TP63: variants seen among roughly 807,000 people sequenced by gnomAD.
The protein encoded by TP63 is tumor protein 63.
TP63 carries 17 observed loss-of-function variants against 82.8 expected under a neutral mutation model. The ratio of observed to expected loss-of-function variants is 0.21; its 90% CI spans 0.14 to 0.31. TP63 has a LOEUF of 0.31. Among genes scored for constraint, TP63 ranks in the 10% least tolerant of loss-of-function variants. The pLI is 1.00. For missense variants in TP63, 648 were observed against 895.3 expected (o/e 0.72, Z 3.52); for synonymous variants, 330 against 321.7 (o/e 1.03, Z -0.28).
upstream of TP63, among the ~76,000 whole-genome samples, chr3:189,626,602 A>G (rs973956680): frequency 6.6e-6 from 1 of 152,190 alleles, no homozygotes; most frequent in Non-Finnish European, 1.5e-5. Flanking sequence ...CTTGGTTAAC[A>G]GAACCTTTAT....
chr3:189,755,068 C>T (rs1260881432), intron 3 of TP63, among the ~76,000 whole-genome samples: 1 of 152,058 alleles, frequency 6.6e-6, no homozygotes. Flanking sequence ...TTAGGTGCGA[C>T]CTTTACAATC....
intron 3 of TP63, among the ~76,000 whole-genome samples, chr3:189,798,975 C>T (rs114014299): frequency 5.3e-4 from 81 of 152,086 alleles, no homozygotes; most frequent in African/African-American, 1.9e-3. Flanking sequence ...TCAAATATAA[C>T]TTAAAAAGTA....
chr3:189,798,268 T>C (rs1725929081), intron 3 of TP63, among the ~76,000 whole-genome samples: 1 of 152,126 alleles, frequency 6.6e-6, no homozygotes, highest in Non-Finnish European at 1.5e-5. Context: ...GCCTCTTCTA[T>C]CTATATGTTC....
chr3:189,779,334 C>T (rs1724052782), intron 3 of TP63, among the ~76,000 whole-genome samples: 1 of 152,170 alleles, frequency 6.6e-6, no homozygotes, highest in Non-Finnish European at 1.5e-5. Flanking sequence ...GAAGATCTGG[C>T]TTAACCACCC....
At chr3:189,681,705 T>A (rs1715918549) in intron 1 of TP63, among the ~76,000 whole-genome samples, 1 of 152,122 alleles carries the variant, frequency 6.6e-6, no homozygotes, top group Admixed American at 6.6e-5. Flanking sequence ...TTTTCTACTC[T>A]CTCGCTGACT....
chr3:189,738,556 C>G, intron 2 of TP63, 86 bp from the exon 3 acceptor site: 1 of 1,598,428 alleles, frequency 6.3e-7, no homozygotes, highest in Non-Finnish European at 8.6e-7. Context: ...GACTTTGAAG[C>G]AGAAAATGCT....
rs188805546 is a variant in TP63, at chr3:189,700,904, T to G, written c.63-36836T>G. Among the ~76,000 whole-genome samples the G allele has an allele frequency of 1.8e-4, 28 of 152,228 alleles. No individual in the cohort carries two copies. The East Asian group carries it at 4.8e-3, about 26-fold the overall frequency. ...AGCTAGGAACATAAAAAGGTATGGA[T>G]CATATTAATATCACCCAAATCTCTT... On this transcript the variant is annotated intron_variant, in intron 1 of 13. Transcript: ENST00000264731.
intron 1 of TP63, among the ~76,000 whole-genome samples, chr3:189,720,648 C>T (rs932256433): frequency 2.7e-5 from 4 of 150,090 alleles, no homozygotes; most frequent in African/African-American, 9.8e-5. Context: ...GCAGGATAAT[C>T]ACTTGAACCC....
chr3:189,743,438 C>G (rs1274166537), intron 3 of TP63, among the ~76,000 whole-genome samples: 5 of 152,158 alleles, frequency 3.3e-5, no homozygotes, highest in African/African-American at 1.2e-4. Flanking sequence ...TCCCTTTGGC[C>G]TGTAAGTTCC....
At chr3:189,851,768 T>C (rs1386597335) in intron 4 of TP63, among the ~76,000 whole-genome samples, 5 of 152,026 alleles carry the variant, frequency 3.3e-5, no homozygotes, top group African/African-American at 7.2e-5. Flanking sequence ...GCAGGCAGAC[T>C]TAAGATATGC....
At chr3:189,838,768 A>G (rs964429133) in intron 4 of TP63, among the ~76,000 whole-genome samples, 63 of 152,222 alleles carry the variant, frequency 4.1e-4, no homozygotes, top group African/African-American at 1.4e-3. Flanking sequence ...ATCTGATCTA[A>G]TTGATTAAGT....
At chr3:189,803,530 T>G (rs17506395) in intron 3 of TP63, among the ~76,000 whole-genome samples, 28,886 of 152,202 alleles carry the variant, frequency 0.19, 3,270 homozygotes, top group Non-Finnish European at 0.27. Flanking sequence ...TTTTGTTTCT[T>G]CATGGTGAAA....
intron 1 of TP63, among the ~76,000 whole-genome samples, chr3:189,654,986 A>G (rs1241957052): frequency 1.3e-5 from 2 of 152,176 alleles, no homozygotes; most frequent in East Asian, 1.9e-4. Flanking sequence ...CTTGAACTAT[A>G]TAGGACTCTG....
intron 1 of TP63, among the ~76,000 whole-genome samples, chr3:189,635,134 G>A (rs1288688806): frequency 6.6e-6 from 1 of 151,986 alleles, no homozygotes; most frequent in Admixed American, 6.6e-5. Flanking sequence ...AAAATATTTT[G>A]TATTGTTTCT....
chr3:189,640,195 T>TA (rs919312388), intron 1 of TP63, among the ~76,000 whole-genome samples: 2 of 152,004 alleles, frequency 1.3e-5, no homozygotes, highest in African/African-American at 4.8e-5. Context: ...ACTGCCTCTA[T>TA]AAAAAAAATT....
chr3:189,854,056 C>T (rs1280879631), intron 4 of TP63, among the ~76,000 whole-genome samples: 1 of 152,196 alleles, frequency 6.6e-6, no homozygotes, highest in Non-Finnish European at 1.5e-5. Context: ...TAAAGTCTTA[C>T]TTCTATCTGT....
chr3:189,658,981 G>A (rs1488166628), intron 1 of TP63, among the ~76,000 whole-genome samples: 1 of 151,794 alleles, frequency 6.6e-6, no homozygotes, highest in African/African-American at 2.4e-5. Flanking sequence ...CAGGGTAAAG[G>A]GAAACTGTCC....
In TP63 at chr3:189,866,697, C is replaced by A; in HGVS notation, c.782C>A (p.Pro261His). Residue 261 changes from proline (P) to histidine (H), a missense_variant, in exon 6 of 14, where the codon CCT (proline) becomes CAT (histidine). Physicochemically the swap from Pro to His is moderately conservative, Grantham distance 77 (BLOSUM62 -2). This residue lies in a region of TP63 where 64 missense variants were observed against 144.2 expected (regional missense o/e 0.44). Transcript: ENST00000264731. The stretch of plus-strand genomic sequence containing the variant: ...TGCTCTGCAGGACAGATTGCCCCTC[C>A]TAGTCATTTGATTCGAGTAGAGGGG... ...REFNEGQIAPPSHLIRVEGNS... is the reference protein window; with the variant it reads ...REFNEGQIAPHSHLIRVEGNS... The A allele has an allele frequency of 6.2e-7, 1 of 1,613,960 alleles. No individual in the cohort carries two copies. Among genetic ancestry groups the A allele is most frequent in the Non-Finnish European group, 8.5e-7 (1 of 1,179,916 alleles).
chr3:189,875,585 AATAC>A (rs1284476272), intron 10 of TP63, among the ~76,000 whole-genome samples: 526 of 29,722 alleles, frequency 0.018, 65 homozygotes, highest in South Asian at 0.03. Flanking sequence ...AAGAAAAAAA[AATAC>A]ATACATATAT....
Sources: allele counts gnomAD v4.1 joint callset (sites outside exome capture counted in the v4.1 genomes callset), GRCh38; gene constraint gnomAD v4.1.1; regional missense constraint gnomAD v4.1.1; transcripts MANE v1.5; gene names NCBI Gene and HGNC (gene_info 2026-07-23, HGNC 2026-07-21).